DENND4A: variants seen among roughly 807,000 people sequenced by gnomAD.
DENND4A encodes DENN domain containing 4A, also known as C-myc promoter-binding protein.
In DENND4A, 70 loss-of-function variants were observed where a neutral mutation model predicts 199.3. The ratio of observed to expected loss-of-function variants is 0.35; its 90% CI spans 0.29 to 0.43. The LOEUF is 0.43. Ranked by LOEUF, DENND4A falls within the 20% of genes least tolerant of loss-of-function variation. The pLI, the probability that DENND4A is intolerant of heterozygous loss-of-function variation, is 1.00. For synonymous variants in DENND4A, 686 were observed against 766.9 expected, an observed-to-expected ratio of 0.89 and a Z score of 1.74; for missense variants, 1,723 against 2,255.8, an observed-to-expected ratio of 0.76 and a Z score of 4.78.
intron 14 of DENND4A, among the ~76,000 whole-genome samples, chr15:65,710,499 A>G (rs2075213917): frequency 6.6e-6 from 1 of 152,238 alleles, no homozygotes; most frequent in Non-Finnish European, 1.5e-5. Context: ...CAGTGAGAAC[A>G]TATATACAAC....
chr15:65,713,877 T>C (rs1369349801), intron 14 of DENND4A, among the ~76,000 whole-genome samples: 1 of 152,200 alleles, frequency 6.6e-6, no homozygotes, highest in Non-Finnish European at 1.5e-5. Flanking sequence ...TCAAAATCTA[T>C]ACATTAGGTG....
chr15:65,664,309 T>C (rs1474783299), intron 32 of DENND4A, 21 bp downstream of exon 32: 1 of 1,345,108 alleles, frequency 7.4e-7, no homozygotes, highest in Non-Finnish European at 1.0e-6. Context: ...ATATTACATA[T>C]TAGATATAAA....
intron 3 of DENND4A, among the ~76,000 whole-genome samples, chr15:65,755,142 A>G (rs751245176): frequency 2.0e-5 from 3 of 152,264 alleles, no homozygotes; most frequent in Middle Eastern, 3.2e-3. Context: ...AAGTCAGTCA[A>G]AAAAGATCAT....
intron 27 of DENND4A, among the ~76,000 whole-genome samples, chr15:65,668,359 C>G (rs2076112629): frequency 6.6e-6 from 1 of 152,074 alleles, no homozygotes; most frequent in Non-Finnish European, 1.5e-5. Flanking sequence ...CGGGCACACG[C>G]CACCATGCCT....
chr15:65,767,196 G>C (rs1036232275), intron 1 of DENND4A: 57 of 152,242 alleles, frequency 3.7e-4, no homozygotes, highest in African/African-American at 1.3e-3. Context: ...CAGAATCATG[G>C]GATTTTAGAG....
In DENND4A at chr15:65,661,747, A is replaced by G; in HGVS notation, c.*104T>C. The G allele has an allele frequency of 1.9e-6, 2 of 1,027,946 alleles. No homozygotes were observed. The highest frequency in any genetic ancestry group is 5.3e-5 in the East Asian group (2 of 38,008). 63.7% of individuals were successfully genotyped at this position (1,027,946 alleles called of 1,614,324 possible). On this transcript the variant is annotated 3_prime_UTR_variant, in exon 33 of 33. Transcript: ENST00000443035. Reference sequence around the variant, plus strand: ...TCTGAGTCTTTTGAACCATTTACAAATTGTATTTTCAAAAATTGAAGAAAA... The same window carrying G: ...TCTGAGTCTTTTGAACCATTTACAAGTTGTATTTTCAAAAATTGAAGAAAA...
At chr15:65,786,396 T>G (rs546196512) in intron 1 of DENND4A, among the ~76,000 whole-genome samples, 1 of 152,278 alleles carries the variant, frequency 6.6e-6, no homozygotes, top group East Asian at 1.9e-4. Flanking sequence ...GTTTTGTTTT[T>G]TTTCTAGTGC....
At position 65,696,360 on chromosome 15, in the gene DENND4A, A is replaced by G; in HGVS notation, c.3082+6T>C. 2 of 1,611,248 alleles carry G rather than the reference A, an allele frequency of 1.2e-6. No homozygotes were observed. The highest frequency in any genetic ancestry group is 1.7e-4 in the Middle Eastern group (1 of 6,040). ...GCACATAACACAAGCGTACTATTCA[A>G]CTTACCCATGCTTTCTCCTGATATT... is the stretch of plus-strand genomic sequence containing the variant. On this transcript the variant is annotated splice_donor_region_variant and intron_variant, in intron 22 of 32. Transcript: ENST00000443035.
intron 15 of DENND4A, among the ~76,000 whole-genome samples, chr15:65,703,988 C>G (rs1300170021): frequency 1.3e-5 from 2 of 152,020 alleles, no homozygotes; most frequent in African/African-American, 2.4e-5. Context: ...TAAGAAGAAA[C>G]CTAACTATAA....
chr15:65,786,207 T>C (rs1157500629), intron 1 of DENND4A, among the ~76,000 whole-genome samples: 1 of 152,168 alleles, frequency 6.6e-6, no homozygotes, highest in East Asian at 1.9e-4. Context: ...GAAGAAATGA[T>C]AAATTGTATA....
At position 65,662,005 on chromosome 15, in the gene DENND4A, G is replaced by T. The variant is rs1018723741; in HGVS notation, c.5588-18C>A. ...AAAAGCATCTGCAGAAATTGATAAA[G>T]AAATAAAAGAATAAAGAAATTTAGG... is the stretch of plus-strand genomic sequence containing the variant. On this transcript the variant is annotated intron_variant, in intron 32 of 32. Transcript: ENST00000443035. 1.9e-6 allele frequency: 3 copies of T among 1,589,808 alleles called. No homozygotes were observed. Among genetic ancestry groups the T allele is most frequent in the East Asian group, 2.3e-5 (1 of 44,356 alleles).
chr15:65,714,407 C>T (rs1190009632), intron 14 of DENND4A, among the ~76,000 whole-genome samples: 1 of 119,014 alleles, frequency 8.4e-6, no homozygotes, highest in Non-Finnish European at 1.7e-5. Flanking sequence ...AGCGAGACTC[C>T]GTCTCAAAAA....
At position 65,660,191 on chromosome 15, in the gene DENND4A, T is replaced by A; in HGVS notation, c.*1660A>T. 1 of 879,470 alleles carries A rather than the reference T, an allele frequency of 1.1e-6. No homozygotes were observed. The highest frequency in any genetic ancestry group is 1.8e-6 in the Non-Finnish European group (1 of 552,010). The allele number at this position is 879,470 out of a possible 1,614,324, so 54.5% of individuals were successfully genotyped here. On this transcript the variant is annotated 3_prime_UTR_variant, in exon 33 of 33. Transcript: ENST00000443035. ...TTTACAAAGGAGAGGCAGATATATG[T>A]GCCTAGCACCAGATTTTTCAAGTAA... is the stretch of plus-strand genomic sequence containing the variant.
intron 14 of DENND4A, among the ~76,000 whole-genome samples, chr15:65,713,783 C>T (rs1030005409): frequency 2.0e-5 from 3 of 152,180 alleles, no homozygotes; most frequent in Admixed American, 2.0e-4. Context: ...TTGGGCTTAT[C>T]GCCTAATAAT....
At chr15:65,703,849 A>C (rs1186814442) in intron 15 of DENND4A, among the ~76,000 whole-genome samples, 2 of 152,348 alleles carry the variant, frequency 1.3e-5, no homozygotes, top group East Asian at 3.9e-4. Flanking sequence ...TTAATAAATA[A>C]GTAAATAAGT....
chr15:65,756,043 A>G, intron 3 of DENND4A, 97 bp downstream of exon 3: 1 of 1,057,500 alleles, frequency 9.5e-7, no homozygotes, highest in Non-Finnish European at 1.3e-6. Context: ...TAAATCTGCC[A>G]TACATCTATT....
intron 30 of DENND4A, 69 bp downstream of exon 30, chr15:65,665,276 T>C: frequency 8.1e-7 from 1 of 1,241,928 alleles, no homozygotes; most frequent in Non-Finnish European, 1.2e-6. Flanking sequence ...ATACATTGGT[T>C]TATGCTATTT....
intron 5 of DENND4A, among the ~76,000 whole-genome samples, 184 bp downstream of exon 5, chr15:65,741,531 T>TAA (rs1309181305): frequency 5.3e-5 from 8 of 152,202 alleles, no homozygotes; most frequent in Non-Finnish European, 1.0e-4. Flanking sequence ...CACCTTATTT[T>TAA]AAAATTAATC....
chr15:65,700,259 A>G (rs1407522892), intron 20 of DENND4A, among the ~76,000 whole-genome samples: 1 of 152,122 alleles, frequency 6.6e-6, no homozygotes, highest in African/African-American at 2.4e-5. Flanking sequence ...AGAAAATGAT[A>G]GGGTAAACAG....
Sources: gnomAD v4.1 joint callset for allele counts (sites outside exome capture counted in the v4.1 genomes callset) on GRCh38, gnomAD v4.1.1 for gene constraint, MANE v1.5 for transcripts, NCBI Gene and HGNC (gene_info 2026-07-23, HGNC 2026-07-21) for gene names.